GHR: variants seen among roughly 807,000 people sequenced by gnomAD.
GHR encodes growth hormone receptor.
GHR carries 35 observed loss-of-function variants against 67.1 expected under a neutral mutation model. That is an observed-to-expected ratio of 0.52 (90% confidence interval 0.40 to 0.69). The LOEUF is 0.69. Among genes scored for constraint, GHR ranks in the 30% least tolerant of loss-of-function variants. The pLI, the probability that GHR is intolerant of heterozygous loss-of-function variation, is 0.00. For missense variants in GHR, 792 were observed against 764.6 expected, an observed-to-expected ratio of 1.04 and a Z score of -0.42; for synonymous variants, 272 against 269.1, an observed-to-expected ratio of 1.01 and a Z score of -0.10.
chr5:42,495,688 T>C (rs1398980318), intron 1 of GHR, among the ~76,000 whole-genome samples: 1 of 152,132 alleles, frequency 6.6e-6, no homozygotes, highest in Non-Finnish European at 1.5e-5. Flanking sequence ...GAAACTTGTA[T>C]ACACATTTTT....
At chr5:42,684,247 T>C (rs531886174) in intron 3 of GHR, among the ~76,000 whole-genome samples, 14 of 152,350 alleles carry the variant, frequency 9.2e-5, no homozygotes, top group African/African-American at 3.1e-4. Context: ...CCAGGCATTC[T>C]ACTAAGGAAA....
rs1158830359 is a variant in GHR, at chr5:42,424,171, A to AGTGTGT, written c.-12+259_-12+264dup. 0.094 allele frequency among the ~76,000 whole-genome samples: 9,392 copies of AGTGTGT among 100,434 alleles called. 796 individuals carry two copies. The highest frequency in any genetic ancestry group is 0.14 in the East Asian group (449 of 3,210). 65.9% of individuals were successfully genotyped at this position (100,434 alleles called of 152,430 possible). A position where few individuals can be genotyped will look rare whatever the true frequency, so the allele number is the denominator to read the frequency against. On this transcript the variant is annotated intron_variant, in intron 1 of 9. Coordinates refer to ENST00000230882, the MANE Select transcript of GHR (RefSeq NM_000163.5). The surrounding 1 kb of genome is among the most constrained non-coding windows in gnomAD (Gnocchi z 4.1). ...CTGGTGGGTTGTTGTAACCCAATCT[A>AGTGTGT]GTGTGTGTGTGTGTGTGTGTGTGTG... is the stretch of plus-strand genomic sequence containing the variant.
At chr5:42,563,624 CAAAAAAAAAAAAAAAA>C (rs1168788232) in intron 1 of GHR, among the ~76,000 whole-genome samples, 1 of 45,094 alleles carries the variant, frequency 2.2e-5, no homozygotes, top group African/African-American at 8.5e-5. Flanking sequence ...GACTCCGTCT[CAAAAAAAAAAAAAAAA>C]AAAAAAAAAA....
At chr5:42,638,284 T>A (rs979006389) in intron 3 of GHR, among the ~76,000 whole-genome samples, 11 of 152,178 alleles carry the variant, frequency 7.2e-5, no homozygotes. Context: ...TTTAGTCTCC[T>A]GTTATCTTCA....
In GHR at chr5:42,654,795, G is replaced by A. The variant is rs548706354; in HGVS notation, c.136+25692G>A. 3.3e-5 allele frequency among the ~76,000 whole-genome samples: 5 copies of A among 152,242 alleles called. No individual in the cohort carries two copies. The East Asian group carries it at 9.6e-4, about 29-fold the overall frequency. On this transcript the variant is annotated intron_variant, in intron 3 of 9. Transcript: ENST00000230882. The stretch of plus-strand genomic sequence containing the variant: ...GACCAGACTCCCAAGACCACATTTT[G>A]CAAGCACTGGCATTTAGGAAGAGCA...
At chr5:42,692,150 T>C (rs1399376345) in intron 4 of GHR, among the ~76,000 whole-genome samples, 1 of 152,188 alleles carries the variant, frequency 6.6e-6, no homozygotes, top group Non-Finnish European at 1.5e-5. Flanking sequence ...CATTTTTCTT[T>C]AACAAAAGTA....
chr5:42,665,880 A>C (rs1213293105), intron 3 of GHR, among the ~76,000 whole-genome samples: 5 of 152,186 alleles, frequency 3.3e-5, no homozygotes, highest in Non-Finnish European at 4.4e-5. Flanking sequence ...AAAAGAAAGC[A>C]TGTGCAGGGG....
chr5:42,579,151 T>TAGAG (rs1344860776), intron 2 of GHR, among the ~76,000 whole-genome samples: 4 of 88,248 alleles, frequency 4.5e-5, no homozygotes, highest in African/African-American at 1.9e-4. Flanking sequence ...GATAGATAGA[T>TAGAG]ATAGATAGAT....
intron 1 of GHR, among the ~76,000 whole-genome samples, chr5:42,506,427 T>C (rs762239598): frequency 4.6e-5 from 7 of 152,198 alleles, no homozygotes; most frequent in Non-Finnish European, 8.8e-5. Context: ...ATTCAGGACT[T>C]GAACTTAGGT....
At chr5:42,581,412 T>C (rs970880304) in intron 2 of GHR, among the ~76,000 whole-genome samples, 10 of 152,196 alleles carry the variant, frequency 6.6e-5, no homozygotes, top group African/African-American at 2.2e-4. Context: ...GTAGAAATCT[T>C]AGTTACCTCT....
intron 1 of GHR, among the ~76,000 whole-genome samples, chr5:42,460,619 A>C (rs1744448666): frequency 6.6e-6 from 1 of 152,162 alleles, no homozygotes. Flanking sequence ...TAGTCCTGTG[A>C]CTGCAGTAAT....
intron 6 of GHR, among the ~76,000 whole-genome samples, chr5:42,704,340 A>G (rs1201394930): frequency 6.6e-6 from 1 of 151,998 alleles, no homozygotes; most frequent in East Asian, 1.9e-4. Context: ...GGTTCTGTTA[A>G]AGTGATGTAT....
intron 1 of GHR, among the ~76,000 whole-genome samples, chr5:42,541,143 G>C (rs1290898053): frequency 2.0e-5 from 3 of 152,062 alleles, no homozygotes; most frequent in African/African-American, 7.2e-5. Flanking sequence ...AAATATAGGA[G>C]TCAACCAAAT....
intron 3 of GHR, among the ~76,000 whole-genome samples, chr5:42,633,188 T>C (rs1305028840): frequency 6.6e-6 from 1 of 152,170 alleles, no homozygotes; most frequent in Non-Finnish European, 1.5e-5. Flanking sequence ...TGTATTCCTA[T>C]AAAAGTGTAA....
intron 3 of GHR, among the ~76,000 whole-genome samples, chr5:42,677,852 C>T (rs991066431): frequency 3.0e-4 from 45 of 152,102 alleles, no homozygotes; most frequent in African/African-American, 9.2e-4. Flanking sequence ...CATCTAGTAC[C>T]GATATACTTA....
chr5:42,677,177 C>CA (rs1756611535), intron 3 of GHR, among the ~76,000 whole-genome samples: 1 of 152,128 alleles, frequency 6.6e-6, no homozygotes, highest in African/African-American at 2.4e-5. Flanking sequence ...TGAGAGAACT[C>CA]AAAACTCCCC....
chr5:42,504,045 T>G (rs1050989223), intron 1 of GHR, among the ~76,000 whole-genome samples: 1 of 152,042 alleles, frequency 6.6e-6, no homozygotes, highest in African/African-American at 2.4e-5. Context: ...TTTCTTACAT[T>G]TTTTTTAAAG....
chr5:42,717,833 C>CT, intron 8 of GHR, among the ~76,000 whole-genome samples: 1 of 150,622 alleles, frequency 6.6e-6, no homozygotes, highest in Non-Finnish European at 1.5e-5. Context: ...TCAGATGAGG[C>CT]TTTTTGGGTT....
intron 1 of GHR, among the ~76,000 whole-genome samples, chr5:42,443,372 G>C (rs1396568274): frequency 6.6e-6 from 1 of 152,106 alleles, no homozygotes; most frequent in Non-Finnish European, 1.5e-5. Context: ...AGTTCATTTT[G>C]GGCTAAGTGG....
Sources: allele counts gnomAD v4.1 joint callset (sites outside exome capture counted in the v4.1 genomes callset), GRCh38; gene constraint gnomAD v4.1.1; non-coding constraint Gnocchi (gnomAD v3.1); transcripts MANE v1.5; gene names NCBI Gene and HGNC (gene_info 2026-07-23, HGNC 2026-07-21).